LEPR: variants seen among roughly 807,000 people sequenced by gnomAD.
The protein encoded by LEPR is leptin receptor.
LEPR carries 56 observed loss-of-function variants against 114.7 expected under a neutral mutation model. The observed-to-expected ratio is 0.49, with a 90% CI of 0.39 to 0.61. LEPR has a LOEUF of 0.61. Among genes scored for constraint, LEPR ranks in the 20% least tolerant of loss-of-function variants. The pLI, the probability that LEPR is intolerant of heterozygous loss-of-function variation, is 0.00. For synonymous variants in LEPR, 443 were observed against 461.4 expected (o/e 0.96, Z 0.51); for missense variants, 1,202 against 1,352.9 (o/e 0.89, Z 1.75).
At chr1:65,551,870 G>C (rs1302963256) in intron 2 of LEPR, among the ~76,000 whole-genome samples, 3 of 152,068 alleles carry the variant, frequency 2.0e-5, no homozygotes, top group African/African-American at 7.2e-5. Context: ...TCTAAACACC[G>C]CTTTATATAT....
At chr1:65,437,602 G>A (rs995818587) in intron 2 of LEPR, among the ~76,000 whole-genome samples, 11 of 151,804 alleles carry the variant, frequency 7.2e-5, no homozygotes, top group Admixed American at 5.2e-4. Flanking sequence ...CCGAGATCGC[G>A]CCACTGCACT....
intron 2 of LEPR, among the ~76,000 whole-genome samples, chr1:65,465,132 G>C (rs1646993874): frequency 6.6e-6 from 1 of 152,084 alleles, no homozygotes; most frequent in Non-Finnish European, 1.5e-5. Flanking sequence ...GTCGATTTTA[G>C]ATATTTCCTC....
intron 5 of LEPR, among the ~76,000 whole-genome samples, chr1:65,588,105 G>A (rs533015004): frequency 1.3e-5 from 2 of 152,008 alleles, no homozygotes; most frequent in African/African-American, 4.8e-5. Context: ...TGGGTAGACA[G>A]AGACACTGTT....
intron 5 of LEPR, among the ~76,000 whole-genome samples, chr1:65,590,469 C>T (rs932351906): frequency 6.0e-5 from 9 of 151,238 alleles, no homozygotes; most frequent in African/African-American, 2.2e-4. Context: ...TGGTTACCTC[C>T]ATGCTGTTCT....
chr1:65,549,043 T>A (rs559086254), intron 2 of LEPR, among the ~76,000 whole-genome samples: 1 of 151,368 alleles, frequency 6.6e-6, no homozygotes, highest in Non-Finnish European at 1.5e-5. Flanking sequence ...GTCTGTAAAG[T>A]ATTTTATTTC....
At chr1:65,615,156 A>AT (rs1657450555) in intron 14 of LEPR, among the ~76,000 whole-genome samples, 2 of 152,170 alleles carry the variant, frequency 1.3e-5, no homozygotes, top group Admixed American at 1.3e-4. Flanking sequence ...ATATGTGTTT[A>AT]TTTTTCTCTG....
At chr1:65,570,905 C>A in intron 4 of LEPR, 103 bp downstream of exon 4, 1 of 966,492 alleles carries the variant, frequency 1.0e-6, no homozygotes, top group Non-Finnish European at 1.4e-6. Context: ...CATACATAAT[C>A]ATTTTTATAT....
intron 4 of LEPR, 36 bp from the exon 5 acceptor site, chr1:65,572,290 G>GTTTTTTTTTTTTTT (rs747467075): frequency 1.3e-5 from 10 of 799,880 alleles, no homozygotes; most frequent in East Asian, 6.7e-5. Context: ...TCATGTAGTT[G>GTTTTTTTTTTTTTT]TTTTTTTTTT....
intron 2 of LEPR, among the ~76,000 whole-genome samples, chr1:65,502,067 A>C (rs1254469286): frequency 6.6e-6 from 1 of 152,124 alleles, no homozygotes; most frequent in Non-Finnish European, 1.5e-5. Flanking sequence ...TGGAAGGGTA[A>C]TTTTTGTGGG....
intron 2 of LEPR, among the ~76,000 whole-genome samples, chr1:65,469,362 A>T (rs1316346497): frequency 6.6e-6 from 1 of 152,234 alleles, no homozygotes; most frequent in Non-Finnish European, 1.5e-5. Flanking sequence ...CCAGAACTAG[A>T]ACATCACAGG....
intron 2 of LEPR, among the ~76,000 whole-genome samples, chr1:65,442,347 CACCTATG>C (rs552746698): frequency 1.3e-5 from 2 of 152,088 alleles, no homozygotes; most frequent in Non-Finnish European, 2.9e-5. Context: ...TCTTTGAATC[CACCTATG>C]ACCTATGACC....
chr1:65,525,691 C>T, intron 2 of LEPR: 1 of 985,636 alleles, frequency 1.0e-6, no homozygotes, highest in Non-Finnish European at 1.2e-6. Context: ...TGCCCCGCAC[C>T]TTGGGCGAGG....
intron 2 of LEPR, chr1:65,427,761 T>C: frequency 2.5e-6 from 1 of 403,520 alleles, no homozygotes; most frequent in Non-Finnish European, 5.0e-6. Flanking sequence ...TCTATCTTTA[T>C]TTTAATTTTT....
intron 10 of LEPR, among the ~76,000 whole-genome samples, chr1:65,603,735 G>A (rs987337210): frequency 2.0e-5 from 3 of 147,000 alleles, no homozygotes; most frequent in African/African-American, 7.5e-5. Context: ...GCTATCGTTA[G>A]TATATTTTAT....
chr1:65,580,980 G>A (rs1350986464), intron 5 of LEPR, among the ~76,000 whole-genome samples: 2 of 152,112 alleles, frequency 1.3e-5, no homozygotes, highest in African/African-American at 4.8e-5. Context: ...ATTATGAAGG[G>A]CCCTCCAGGT....
chr1:65,526,111 G>C, intron 2 of LEPR: 2 of 982,522 alleles, frequency 2.0e-6, no homozygotes, highest in Non-Finnish European at 1.2e-6. Flanking sequence ...CGGGACCACC[G>C]AGAGAGCATG....
intron 2 of LEPR, among the ~76,000 whole-genome samples, chr1:65,556,552 C>T (rs955225979): frequency 6.6e-6 from 1 of 152,128 alleles, no homozygotes; most frequent in Admixed American, 6.5e-5. Flanking sequence ...TGATACACTT[C>T]TTTCACCAAA....
chr1:65,436,533 A>C (rs536066159), intron 2 of LEPR, among the ~76,000 whole-genome samples: 1 of 152,342 alleles, frequency 6.6e-6, no homozygotes, highest in East Asian at 1.9e-4. Context: ...AATAGAAATA[A>C]AAATTTGATA....
Position 65,589,570 on chromosome 1 carries a change from A to G in LEPR, c.495-3087A>G, listed in dbSNP as rs1655549152. 2.6e-5 allele frequency among the ~76,000 whole-genome samples: 4 copies of G among 152,060 alleles called. No homozygotes were observed. In the South Asian group the frequency reaches 8.3e-4, roughly 31 times the overall value. ...TTTAGGTTTTACATTTAGATTTATG[A>G]TTCATTTGGAATTAATTTTTGTATC... On this transcript the variant is annotated intron_variant, in intron 5 of 19. Transcript: ENST00000349533.
Sources: allele counts gnomAD v4.1 joint callset (sites outside exome capture counted in the v4.1 genomes callset), GRCh38; gene constraint gnomAD v4.1.1; transcripts MANE v1.5; gene names NCBI Gene and HGNC (gene_info 2026-07-23, HGNC 2026-07-21).